CTNNA2: variants seen among roughly 807,000 people sequenced by gnomAD.
The protein encoded by CTNNA2 is catenin alpha-2.
A neutral mutation model predicts 101.0 loss-of-function variants in CTNNA2; 42 were observed. The observed-to-expected ratio is 0.42, with a 90% confidence interval of 0.32 to 0.54. The LOEUF is 0.54. Among genes scored for constraint, CTNNA2 ranks in the 20% least tolerant of loss-of-function variants. The probability of loss-of-function intolerance (pLI) is 0.14; values close to 1 mark genes in which losing one functional copy is unlikely to be tolerated. For missense variants in CTNNA2, 871 were observed against 1,223.1 expected (o/e 0.71, Z 4.29); for synonymous variants, 450 against 456.4 (o/e 0.99, Z 0.18).
chr2:80,632,918 TAAATAG>T (rs1303355789), intron 18 of CTNNA2, among the ~76,000 whole-genome samples: 2 of 152,110 alleles, frequency 1.3e-5, no homozygotes, highest in African/African-American at 4.8e-5. Context: ...GTTGAAAAAA[TAAATAG>T]AAACTCAAAG....
chr2:80,186,746 GT>G (rs1315681441), intron 7 of CTNNA2, among the ~76,000 whole-genome samples: 1 of 152,086 alleles, frequency 6.6e-6, no homozygotes, highest in Non-Finnish European at 1.5e-5. Flanking sequence ...ATTAAATCAG[GT>G]TTTTTATTGT....
chr2:79,741,199 A>C (rs1671267039), intron 2 of CTNNA2, among the ~76,000 whole-genome samples: 1 of 152,168 alleles, frequency 6.6e-6, no homozygotes, highest in Admixed American at 6.5e-5. Context: ...ATGGAGCTAA[A>C]CTACTTTTGC....
intron 9 of CTNNA2, among the ~76,000 whole-genome samples, chr2:80,530,050 T>G (rs554235481): frequency 1.3e-5 from 2 of 152,124 alleles, no homozygotes; most frequent in East Asian, 1.9e-4. Flanking sequence ...AGCCTGAAGG[T>G]GAAAGCAAAT....
At chr2:80,072,835 A>G (rs1014730072) in intron 7 of CTNNA2, among the ~76,000 whole-genome samples, 12 of 152,172 alleles carry the variant, frequency 7.9e-5, no homozygotes, top group African/African-American at 2.9e-4. Flanking sequence ...TAACAGAGAA[A>G]GACTTCCAAG....
chr2:80,646,869 C>A (rs756749103), intron 18 of CTNNA2, among the ~76,000 whole-genome samples: 14 of 152,038 alleles, frequency 9.2e-5, no homozygotes, highest in Non-Finnish European at 2.1e-4. Context: ...CTGCATGTAT[C>A]AGCTCTCTCA....
At chr2:80,557,664 A>G (rs1693162043) in intron 12 of CTNNA2, among the ~76,000 whole-genome samples, 1 of 152,166 alleles carries the variant, frequency 6.6e-6, no homozygotes, top group Non-Finnish European at 1.5e-5. Flanking sequence ...CCCACAGATA[A>G]CTCAGGCACT....
intron 12 of CTNNA2, among the ~76,000 whole-genome samples, chr2:80,562,494 CATCTT>C (rs1693696681): frequency 6.6e-6 from 1 of 152,164 alleles, no homozygotes; most frequent in Admixed American, 6.6e-5. Flanking sequence ...TAGGAAAAGT[CATCTT>C]ATATTTTGCT....
chr2:80,346,403 C>T (rs6547304), intron 7 of CTNNA2, among the ~76,000 whole-genome samples: 40,560 of 151,938 alleles, frequency 0.27, 5,886 homozygotes, highest in East Asian at 0.51. Flanking sequence ...TTTAAATGAC[C>T]AGATCTTGTG....
intron 2 of CTNNA2, among the ~76,000 whole-genome samples, chr2:79,290,046 CTACA>C: frequency 6.6e-6 from 1 of 152,212 alleles, no homozygotes; most frequent in African/African-American, 2.4e-5. Flanking sequence ...AGTTAGGGGG[CTACA>C]TACTCAGGTG....
At chr2:79,462,184 T>C (rs417597) in intron 4 of CTNNA2, among the ~76,000 whole-genome samples, 48,171 of 152,106 alleles carry the variant, frequency 0.32, 7,769 homozygotes, top group South Asian at 0.44. Context: ...AGACTTATGA[T>C]TGATGAATTC....
chr2:80,598,169 A>T (rs751840641), intron 15 of CTNNA2, among the ~76,000 whole-genome samples: 2 of 152,192 alleles, frequency 1.3e-5, no homozygotes, highest in African/African-American at 2.4e-5. Flanking sequence ...ACATGGATGA[A>T]GCTGGAAGCC....
chr2:80,450,835 C>A (rs1378225305), intron 9 of CTNNA2, among the ~76,000 whole-genome samples: 4 of 152,054 alleles, frequency 2.6e-5, no homozygotes, highest in African/African-American at 7.2e-5. Context: ...ATAGTGCAGG[C>A]AAATCAATAG....
intron 2 of CTNNA2, among the ~76,000 whole-genome samples, chr2:79,289,285 GTTGTT>G (rs1427204609): frequency 2.6e-5 from 4 of 152,068 alleles, no homozygotes; most frequent in Admixed American, 6.6e-5. Context: ...TTCTTTGGGG[GTTGTT>G]TTGTTTTGTT....
At chr2:79,865,921 G>A (rs1460248091) in intron 4 of CTNNA2, among the ~76,000 whole-genome samples, 3 of 152,154 alleles carry the variant, frequency 2.0e-5, no homozygotes, top group Non-Finnish European at 2.9e-5. Context: ...GAGTTTCACT[G>A]TGTTAGCCAG....
At chr2:80,004,679 T>A (rs1353228457) in intron 7 of CTNNA2, among the ~76,000 whole-genome samples, 2 of 31,836 alleles carry the variant, frequency 6.3e-5, no homozygotes, top group African/African-American at 1.4e-4. Flanking sequence ...TTACATTTAT[T>A]TATTTATTTA....
At chr2:79,521,733 G>A (rs966182384) in intron 1 of CTNNA2, among the ~76,000 whole-genome samples, 8 of 152,172 alleles carry the variant, frequency 5.3e-5, no homozygotes, top group Non-Finnish European at 1.5e-5. Flanking sequence ...TTTGGCAAGA[G>A]GTTGAAGCAA....
At chr2:80,558,325 T>C (rs1450707795) in intron 12 of CTNNA2, among the ~76,000 whole-genome samples, 1 of 152,214 alleles carries the variant, frequency 6.6e-6, no homozygotes, top group East Asian at 1.9e-4. Flanking sequence ...ACTTCAGCTA[T>C]TAACTCACTG....
chr2:79,935,256 C>T (rs886957504), intron 7 of CTNNA2, among the ~76,000 whole-genome samples: 8 of 151,784 alleles, frequency 5.3e-5, no homozygotes, highest in African/African-American at 1.9e-4. Context: ...GGCAGAGCCT[C>T]CAAAAAATTA....
chr2:80,546,918 T>G (rs1242594646), intron 11 of CTNNA2, among the ~76,000 whole-genome samples: 1 of 152,156 alleles, frequency 6.6e-6, no homozygotes, highest in Non-Finnish European at 1.5e-5. Flanking sequence ...GGCCAGGTGT[T>G]GATTCTACAC....
Sources: gnomAD v4.1 joint callset for allele counts (sites outside exome capture counted in the v4.1 genomes callset) on GRCh38, gnomAD v4.1.1 for gene constraint, MANE v1.5 for transcripts, NCBI Gene and HGNC (gene_info 2026-07-23, HGNC 2026-07-21) for gene names.